The following DEPDC5 variants were observed in gnomAD, a reference collection of about 807,000 sequenced individuals.
The protein encoded by DEPDC5 is GATOR1 complex protein DEPDC5.
A neutral mutation model predicts 217.3 loss-of-function variants in DEPDC5; 73 were observed. The observed-to-expected ratio is 0.34, with a 90% CI of 0.28 to 0.41. The LOEUF (loss-of-function observed/expected upper bound fraction) is 0.41. DEPDC5 is among the 10% of genes least tolerant of loss of function. DEPDC5 has a pLI of 1.00. For synonymous variants in DEPDC5, 733 were observed against 756.7 expected (o/e 0.97, Z 0.51); for missense variants, 1,675 against 2,070.1 (o/e 0.81, Z 3.70).
intron 8 of DEPDC5, 90 bp downstream of exon 8, chr22:31,778,258 G>C: frequency 1.5e-6 from 2 of 1,327,824 alleles, no homozygotes; most frequent in African/African-American, 1.4e-5. Context: ...GGCGGGGCAG[G>C]ACACCAAGGT....
chr22:31,798,210 A>C (rs1601931238), intron 13 of DEPDC5, among the ~76,000 whole-genome samples: 1 of 152,146 alleles, frequency 6.6e-6, no homozygotes, highest in East Asian at 1.9e-4. Flanking sequence ...GGCATGAGCC[A>C]CCATGCTCAG....
At chr22:31,805,053 G>C in intron 17 of DEPDC5, 138 bp downstream of exon 17, 1 of 763,814 alleles carries the variant, frequency 1.3e-6, no homozygotes, top group Admixed American at 2.6e-5. Context: ...TCTAACATTT[G>C]CTCAAAGCTC....
chr22:31,810,631 A>G lies in DEPDC5; in HGVS notation c.1435A>G (p.Thr479Ala), dbSNP rs2148708070. 6.2e-7 allele frequency: 1 copy of G among 1,614,154 alleles called. No individual in the cohort carries two copies. The highest frequency in any genetic ancestry group is 8.5e-7 in the Non-Finnish European group (1 of 1,180,024). The stretch of plus-strand genomic sequence containing the variant: ...CGGCCCATCCCGGGCCCAGTGCCTC[A>G]CCACCTGCAGGTTTTCTGCCAGATT... ...LPGPSRAQCL[T>A]TCRSVRERES... Residue 479 changes from threonine to alanine, a missense_variant, in exon 20 of 43, where the codon ACC becomes GCC. Thr to Ala is a moderately conservative substitution (Grantham distance 58). This residue lies in a region of DEPDC5 where 628 missense variants were observed against 762.1 expected (regional missense o/e 0.82). Coordinates refer to ENST00000651528, the MANE Select transcript of DEPDC5 (RefSeq NM_001242896.3).
chr22:31,754,768 G>A, intron 1 of DEPDC5, 94 bp from the exon 2 acceptor site: 1 of 778,544 alleles, frequency 1.3e-6, no homozygotes, highest in Non-Finnish European at 2.1e-6. Context: ...CTTCACAGCA[G>A]AGGAACACCA....
intron 33 of DEPDC5, among the ~76,000 whole-genome samples, chr22:31,864,897 G>T (rs144807384): frequency 0.013 from 1,952 of 152,096 alleles, 40 homozygotes; most frequent in African/African-American, 0.042. Flanking sequence ...CACCATGCTG[G>T]CCAGGCTGGT....
At chr22:31,823,700 A>G (rs778205057) in intron 24 of DEPDC5, among the ~76,000 whole-genome samples, 4 of 152,124 alleles carry the variant, frequency 2.6e-5, no homozygotes, top group African/African-American at 7.2e-5. Flanking sequence ...AAATACTTTT[A>G]TATCTATTGT....
Position 31,906,356 on chromosome 22 carries a change from A to G in DEPDC5, c.4671A>G (p.Thr1557=), listed in dbSNP as rs772797869. Residue 1557 remains threonine (T), a synonymous_variant, in exon 43 of 43, where the codon ACA becomes ACG. Coordinates refer to ENST00000651528, the MANE Select transcript of DEPDC5 (RefSeq NM_001242896.3). The surrounding 1 kb of genome is among the most constrained non-coding windows in gnomAD (Gnocchi z 5.1). ...NWAYNTMLTK[T]WRSSATGDEK... Reference sequence around the variant, plus strand: ...CCTACAACACCATGCTCACCAAAACATGGCGCTCCAGCGCCACAGGGGATG... The same window carrying G: ...CCTACAACACCATGCTCACCAAAACGTGGCGCTCCAGCGCCACAGGGGATG... 6.2e-7 allele frequency: 1 copy of G among 1,614,046 alleles called. No homozygotes were observed. The highest frequency in any genetic ancestry group is 1.3e-5 in the African/African-American group (1 of 75,072).
In DEPDC5 at chr22:31,813,587, T is replaced by C. The variant is rs180706713; in HGVS notation, c.1446-1405T>C. Among the ~76,000 whole-genome samples, 10 of 152,250 alleles carry C rather than the reference T, an allele frequency of 6.6e-5. No individual in the cohort carries two copies. In the East Asian group the frequency reaches 9.6e-4, roughly 15 times the overall value. ...GTGGGCTTGCTTTTTCGTTCTGAGC[T>C]TTTGCTTCTCTATAGGGCTTCTTTC... On this transcript the variant is annotated intron_variant, in intron 20 of 42. Transcript: ENST00000651528.
chr22:31,847,381 A>G (rs1333397836), intron 31 of DEPDC5, among the ~76,000 whole-genome samples: 1 of 151,926 alleles, frequency 6.6e-6, no homozygotes, highest in Non-Finnish European at 1.5e-5. Flanking sequence ...AAAGCCAGGT[A>G]TATTAGTCCA....
Position 31,845,052 on chromosome 22 carries a change from T to C in DEPDC5, c.2836T>C (p.Phe946Leu), listed in dbSNP as rs377335254. Residue 946 changes from phenylalanine to leucine, a missense_variant, in exon 30 of 43, where the codon TTC becomes CTC. Physicochemically the swap from Phe to Leu is conservative, Grantham distance 22. Transcript: ENST00000651528. ...IESLKFWRTR[F>L]LLLPACVTAT... ...GTCCCTGAAGTTCTGGAGGACCCGC[T>C]TCCTGCTGCTGCCAGCCTGTGTCAC... 9 of 1,614,036 alleles carry C rather than the reference T, an allele frequency of 5.6e-6. No individual in the cohort carries two copies. The African/African-American group carries it at 1.2e-4, about 22-fold the overall frequency.
intron 33 of DEPDC5, among the ~76,000 whole-genome samples, chr22:31,867,969 A>G (rs910511684): frequency 1.2e-4 from 18 of 152,136 alleles, no homozygotes; most frequent in African/African-American, 3.4e-4. Context: ...AGTCCCCTTT[A>G]GTTAGCTTAT....
At chr22:31,782,983 G>A (rs999757393) in intron 8 of DEPDC5, among the ~76,000 whole-genome samples, 2 of 152,202 alleles carry the variant, frequency 1.3e-5, no homozygotes, top group East Asian at 1.9e-4. Context: ...CAACACTTCA[G>A]GAGGCAAAGG....
chr22:31,769,064 T>G (rs1439241355), intron 7 of DEPDC5: 1 of 483,862 alleles, frequency 2.1e-6, no homozygotes, highest in African/African-American at 2.0e-5. Flanking sequence ...ATCAGGACCA[T>G]ACTGGCTAAC....
At chr22:31,854,965 T>A (rs1335520422) in intron 31 of DEPDC5, among the ~76,000 whole-genome samples, 1 of 151,948 alleles carries the variant, frequency 6.6e-6, no homozygotes, top group Non-Finnish European at 1.5e-5. Flanking sequence ...CTGGTTTTTT[T>A]TTTTTTTTTC....
intron 7 of DEPDC5, among the ~76,000 whole-genome samples, chr22:31,774,114 T>C (rs1158248017): frequency 2.6e-5 from 4 of 151,592 alleles, no homozygotes; most frequent in Admixed American, 2.0e-4. Flanking sequence ...AAAATATATA[T>C]ATAGTAGCAA....
chr22:31,884,335 T>G (rs1011926582), intron 38 of DEPDC5, among the ~76,000 whole-genome samples: 1 of 152,164 alleles, frequency 6.6e-6, no homozygotes, highest in African/African-American at 2.4e-5. Flanking sequence ...CCTGTCGATC[T>G]GTGACAGGCA....
intron 16 of DEPDC5, 107 bp downstream of exon 16, chr22:31,804,330 G>A: frequency 9.2e-7 from 1 of 1,087,384 alleles, no homozygotes; most frequent in Non-Finnish European, 1.4e-6. Context: ...TACTCGAGAG[G>A]CTGAAGTGGG....
At chr22:31,810,131 T>C (rs1041929481) in intron 19 of DEPDC5, among the ~76,000 whole-genome samples, 14 of 152,202 alleles carry the variant, frequency 9.2e-5, no homozygotes, top group Non-Finnish European at 1.5e-4. Flanking sequence ...CATCTGCAAA[T>C]TGAAAAAACC....
In DEPDC5 at chr22:31,861,479, G is replaced by A. The variant is rs754320624; in HGVS notation, c.3330+46G>A. ...TCGCATGCCTGTCCCACTGGCAGAC[G>A]CCATGAGCTGGCCTTCTGTTAGGCT... On this transcript the variant is annotated intron_variant, in intron 33 of 42. Transcript: ENST00000651528. 4.5e-6 allele frequency: 7 copies of A among 1,544,534 alleles called. 1 individual carries two copies. Among genetic ancestry groups the A allele is most frequent in the Admixed American group, 3.9e-5 (2 of 50,940 alleles).
Sources: allele counts gnomAD v4.1 joint callset (sites outside exome capture counted in the v4.1 genomes callset), GRCh38; gene constraint gnomAD v4.1.1; regional missense constraint gnomAD v4.1.1; non-coding constraint Gnocchi (gnomAD v3.1); transcripts MANE v1.5; gene names NCBI Gene and HGNC (gene_info 2026-07-23, HGNC 2026-07-21).